NTRK2: variants seen among roughly 807,000 people sequenced by gnomAD.
NTRK2 encodes the protein BDNF/NT-3 growth factors receptor.
NTRK2 carries 13 observed loss-of-function variants against 94.5 expected under a neutral mutation model. That is an observed-to-expected ratio of 0.14 (90% CI 0.09 to 0.22). NTRK2 has a LOEUF of 0.22. Ranked by LOEUF, NTRK2 falls within the 10% of genes least tolerant of loss-of-function variation. The probability of loss-of-function intolerance (pLI) is 1.00; values close to 1 mark genes in which losing one functional copy is unlikely to be tolerated. For synonymous variants in NTRK2, 372 were observed against 407.4 expected (o/e 0.91, Z 1.05); for missense variants, 639 against 1,071.2 (o/e 0.60, Z 5.63).
intron 15 of NTRK2, 141 bp downstream of exon 15, chr9:84,934,433 T>A: frequency 5.4e-6 from 5 of 926,748 alleles, no homozygotes; most frequent in Non-Finnish European, 8.4e-6. Flanking sequence ...TCCTTTAAAC[T>A]AAATGGACAG....
At chr9:84,876,334 A>G in intron 14 of NTRK2, 1 of 1,051,712 alleles carries the variant, frequency 9.5e-7, no homozygotes, top group Non-Finnish European at 1.1e-6. Context: ...ATAAGCAGAG[A>G]TGGCACCACT....
At chr9:84,731,524 G>A (rs1412247867) in intron 9 of NTRK2, among the ~76,000 whole-genome samples, 3 of 152,180 alleles carry the variant, frequency 2.0e-5, no homozygotes. Context: ...TTTGAAAAGA[G>A]AGAATAAAGA....
chr9:84,764,368 T>A (rs1396171474), intron 12 of NTRK2, among the ~76,000 whole-genome samples: 1 of 152,228 alleles, frequency 6.6e-6, no homozygotes, highest in Non-Finnish European at 1.5e-5. Context: ...GTTTTTCTAA[T>A]CCAATCATTT....
chr9:84,746,136 G>A (rs895857236), intron 11 of NTRK2, among the ~76,000 whole-genome samples: 2 of 152,046 alleles, frequency 1.3e-5, no homozygotes, highest in African/African-American at 4.8e-5. Context: ...GTTTTTGTAT[G>A]GTTTTCAGGC....
intron 17 of NTRK2, among the ~76,000 whole-genome samples, chr9:84,977,222 G>A (rs1374894771): frequency 6.6e-6 from 1 of 151,550 alleles, no homozygotes; most frequent in Non-Finnish European, 1.5e-5. Context: ...TTGAACTCAG[G>A]GCCAACAGCC....
rs914487978 is a variant in NTRK2, at chr9:84,861,067, T to C, written c.1424T>C (p.Val475Ala). 1 of 1,613,464 alleles carries C rather than the reference T, an allele frequency of 6.2e-7. No individual in the cohort carries two copies. Among genetic ancestry groups the C allele is most frequent in the Non-Finnish European group, 8.5e-7 (1 of 1,179,558 alleles). Residue 475 changes from valine (V) to alanine (A), a missense_variant, in exon 13 of 19, where the codon GTA (valine) becomes GCA (alanine). Val to Ala is a moderately conservative substitution (Grantham distance 64). Around this residue, in one of 5 missense-constraint regions of NTRK2, gnomAD observed 343 missense variants for 571.5 expected, o/e 0.60. Coordinates refer to ENST00000277120, the MANE Select transcript of NTRK2 (RefSeq NM_006180.6). ...TTCTCATGGTTTGGATTTGGGAAAG[T>C]AAAATCAAGACAAGGTGTTGGTAAG... ...KDFSWFGFGK[V>A]KSRQGVGPAS...
intron 12 of NTRK2, chr9:84,814,452 C>G: frequency 9.4e-7 from 1 of 1,065,852 alleles, no homozygotes. Flanking sequence ...TTTTTTCTCT[C>G]TCTCTCTAGT....
chr9:84,827,068 G>C (rs910838579), intron 12 of NTRK2, among the ~76,000 whole-genome samples: 2 of 151,784 alleles, frequency 1.3e-5, no homozygotes, highest in Non-Finnish European at 2.9e-5. Context: ...TTTTAGACTA[G>C]TGTTTATAAT....
At chr9:84,799,240 C>T (rs2070075263) in intron 12 of NTRK2, among the ~76,000 whole-genome samples, 1 of 152,104 alleles carries the variant, frequency 6.6e-6, no homozygotes, top group South Asian at 2.1e-4. Context: ...CAAAGATCTA[C>T]TCTGTGCCTT....
intron 14 of NTRK2, chr9:84,876,319 A>T (rs1470950579): frequency 1.9e-6 from 2 of 1,049,000 alleles, no homozygotes; most frequent in Admixed American, 5.5e-5. Context: ...ATGTCTGCTT[A>T]TAAAATAAGC....
At chr9:85,007,058 C>G (rs1373693643) in intron 17 of NTRK2, among the ~76,000 whole-genome samples, 1 of 152,256 alleles carries the variant, frequency 6.6e-6, no homozygotes, top group Non-Finnish European at 1.5e-5. Context: ...CATCCCAGCA[C>G]TGGACTGTGC....
intron 12 of NTRK2, among the ~76,000 whole-genome samples, chr9:84,860,079 A>G (rs919544133): frequency 2.0e-5 from 3 of 152,192 alleles, no homozygotes; most frequent in South Asian, 2.1e-4. Context: ...TTTTCTGTAC[A>G]TTGTTCATTT....
At chr9:84,688,628 A>G (rs937388468) in intron 2 of NTRK2, among the ~76,000 whole-genome samples, 5 of 152,168 alleles carry the variant, frequency 3.3e-5, no homozygotes, top group Non-Finnish European at 7.3e-5. Context: ...TCTCTTCCCC[A>G]TATGGATTTT....
intron 6 of NTRK2, among the ~76,000 whole-genome samples, chr9:84,717,483 T>A (rs2061773544): frequency 6.6e-6 from 1 of 152,148 alleles, no homozygotes; most frequent in Non-Finnish European, 1.5e-5. Flanking sequence ...ACATGGAAGA[T>A]CCCAGCAAAG....
At chr9:84,788,789 G>C (rs559689852) in intron 12 of NTRK2, among the ~76,000 whole-genome samples, 1 of 152,252 alleles carries the variant, frequency 6.6e-6, no homozygotes, top group East Asian at 1.9e-4. Flanking sequence ...GGCTTCCTCA[G>C]CTTTGCGAGC....
At position 85,024,377 on chromosome 9, in the gene NTRK2, A is replaced by T. The variant is rs534572253; in HGVS notation, c.*2940A>T. On this transcript the variant is annotated 3_prime_UTR_variant, in exon 19 of 19. Transcript: ENST00000277120. ...AACTACAACAGTATAACAGTGACAA[A>T]CCTAATTCTCTAGCCCAAACCTGGT... The T allele has an allele frequency of 7.7e-5, 18 of 233,086 alleles. No individual in the cohort carries two copies. In the South Asian group the frequency reaches 3.3e-3, roughly 42 times the overall value. The allele number at this position is 233,086 out of a possible 1,614,324, so 14.4% of individuals were successfully genotyped here. A position where few individuals can be genotyped will look rare whatever the true frequency, so the allele number is the denominator to read the frequency against.
At chr9:84,993,850 G>A (rs1039645853) in intron 17 of NTRK2, among the ~76,000 whole-genome samples, 1 of 152,132 alleles carries the variant, frequency 6.6e-6, no homozygotes, top group Non-Finnish European at 1.5e-5. Flanking sequence ...ACATCTAGAT[G>A]ATTTTTCCTC....
rs185556494 is a variant in NTRK2 at position 84,793,003 on chromosome 9, A to G, written c.1396+40918A>G. Among the ~76,000 whole-genome samples, 182 of 152,262 alleles carry G rather than the reference A, an allele frequency of 1.2e-3. 2 individuals are homozygous for G. Among genetic ancestry groups the G allele is most frequent in the African/African-American group, 4.2e-3 (173 of 41,548 alleles). ...CATCAGTATCATCACCATCATCACCATCATTATCATCAGGGCCTAAAGTTT... is the reference window on the plus strand; with the variant it reads ...CATCAGTATCATCACCATCATCACCGTCATTATCATCAGGGCCTAAAGTTT... On this transcript the variant is annotated intron_variant, in intron 12 of 18. Transcript: ENST00000277120.
chr9:84,777,394 CTTG>C (rs2067152873), intron 12 of NTRK2, among the ~76,000 whole-genome samples: 1 of 152,178 alleles, frequency 6.6e-6, no homozygotes, highest in Non-Finnish European at 1.5e-5. Context: ...ATACAGTAGT[CTTG>C]TTGTCCCTAA....
Sources: allele counts gnomAD v4.1 joint callset (sites outside exome capture counted in the v4.1 genomes callset), GRCh38; gene constraint gnomAD v4.1.1; regional missense constraint gnomAD v4.1.1; transcripts MANE v1.5; gene names NCBI Gene and HGNC (gene_info 2026-07-23, HGNC 2026-07-21).